FHIT: variants seen among roughly 807,000 people sequenced by gnomAD.
The protein encoded by FHIT is bis(5'-adenosyl)-triphosphatase.
A neutral mutation model predicts 17.9 loss-of-function variants in FHIT; 19 were observed. That is an observed-to-expected ratio of 1.06 (90% CI 0.74 to 1.56). FHIT has a LOEUF of 1.56. FHIT is among the 40% of genes most tolerant of loss of function. The pLI, the probability that FHIT is intolerant of heterozygous loss-of-function variation, is 0.00. For synonymous variants in FHIT, 81 were observed against 69.7 expected (o/e 1.16, Z -0.81); for missense variants, 248 against 189.2 (o/e 1.31, Z -1.82).
intron 5 of FHIT, among the ~76,000 whole-genome samples, chr3:60,381,869 C>A (rs561410081): frequency 6.6e-6 from 1 of 152,126 alleles, no homozygotes; most frequent in African/African-American, 2.4e-5. Context: ...GTAAACAATC[C>A]CAAATCCAAA....
intron 5 of FHIT, among the ~76,000 whole-genome samples, chr3:60,432,765 C>G (rs977555704): frequency 1.3e-5 from 2 of 152,102 alleles, no homozygotes; most frequent in Non-Finnish European, 2.9e-5. Flanking sequence ...TGTTGCCAAC[C>G]TACCAATGTG....
chr3:60,771,493 T>A (rs1488299045), intron 4 of FHIT, among the ~76,000 whole-genome samples: 1 of 152,200 alleles, frequency 6.6e-6, no homozygotes, highest in Non-Finnish European at 1.5e-5. Flanking sequence ...TCAGTGACTG[T>A]GTAACTCAGA....
At chr3:60,305,515 T>C (rs1267910383) in intron 5 of FHIT, among the ~76,000 whole-genome samples, 2 of 152,162 alleles carry the variant, frequency 1.3e-5, no homozygotes, top group African/African-American at 4.8e-5. Context: ...CGGCTGTTGA[T>C]TCAACCCAAA....
chr3:61,156,429 T>G (rs192364616), intron 2 of FHIT, among the ~76,000 whole-genome samples: 32 of 152,230 alleles, frequency 2.1e-4, no homozygotes, highest in African/African-American at 6.5e-4. Flanking sequence ...GAACTTCCTC[T>G]TCATAACATT....
At chr3:60,387,503 G>A (rs988869835) in intron 5 of FHIT, among the ~76,000 whole-genome samples, 4 of 152,108 alleles carry the variant, frequency 2.6e-5, no homozygotes, top group East Asian at 1.9e-4. Flanking sequence ...GGGATTACTC[G>A]AATTCTAAGA....
intron 5 of FHIT, among the ~76,000 whole-genome samples, chr3:60,170,463 G>T (rs1701368458): frequency 6.6e-6 from 1 of 152,138 alleles, no homozygotes; most frequent in Non-Finnish European, 1.5e-5. Flanking sequence ...CATCCCACGT[G>T]AGTATAAATG....
intron 3 of FHIT, among the ~76,000 whole-genome samples, chr3:61,005,182 T>A (rs1217604172): frequency 6.6e-6 from 1 of 152,236 alleles, no homozygotes; most frequent in Non-Finnish European, 1.5e-5. Context: ...CCTATAATTA[T>A]TGCTTATAAT....
intron 5 of FHIT, among the ~76,000 whole-genome samples, chr3:60,261,142 A>G (rs559816840): frequency 2.0e-5 from 3 of 152,040 alleles, no homozygotes; most frequent in Non-Finnish European, 4.4e-5. Context: ...TTGGAATACA[A>G]AAGTATTTTG....
intron 4 of FHIT, among the ~76,000 whole-genome samples, chr3:60,615,204 A>T (rs2038916036): frequency 6.6e-6 from 1 of 152,204 alleles, no homozygotes; most frequent in South Asian, 2.1e-4. Flanking sequence ...CTATCTGGGG[A>T]TAATCTAGCT....
At chr3:61,039,642 G>A (rs566931090) in intron 3 of FHIT, among the ~76,000 whole-genome samples, 1 of 152,206 alleles carries the variant, frequency 6.6e-6, no homozygotes, top group South Asian at 2.1e-4. Flanking sequence ...TCATAAGTGG[G>A]AGTTGAACAA....
At chr3:60,114,489 C>CTTTT (rs1576129465) in intron 5 of FHIT, among the ~76,000 whole-genome samples, 29 of 61,592 alleles carry the variant, frequency 4.7e-4, no homozygotes, top group South Asian at 1.6e-3. Flanking sequence ...AAGAGAAATC[C>CTTTT]TTTTTTTTTT....
chr3:60,074,621 C>T (rs987443890), intron 5 of FHIT, among the ~76,000 whole-genome samples: 4 of 151,488 alleles, frequency 2.6e-5, no homozygotes, highest in South Asian at 4.2e-4. Flanking sequence ...ACTGAGGTCA[C>T]GTTGTTACTG....
intron 2 of FHIT, among the ~76,000 whole-genome samples, chr3:61,109,995 A>C (rs1421461497): frequency 6.6e-6 from 1 of 152,140 alleles, no homozygotes; most frequent in Non-Finnish European, 1.5e-5. Context: ...AGTCTTGGCA[A>C]GAAGGGCTAC....
intron 5 of FHIT, among the ~76,000 whole-genome samples, chr3:60,188,455 A>G (rs1423852033): frequency 6.6e-6 from 1 of 152,072 alleles, no homozygotes; most frequent in Non-Finnish European, 1.5e-5. Context: ...AAGAGTTTAA[A>G]TTGGATTCAA....
intron 4 of FHIT, among the ~76,000 whole-genome samples, chr3:60,552,032 TTC>T (rs1313774288): frequency 1.3e-5 from 2 of 152,114 alleles, no homozygotes; most frequent in African/African-American, 2.4e-5. Context: ...CTATTCTACT[TTC>T]TGTCTCTGTG....
chr3:61,037,296 G>C (rs1474067155), intron 3 of FHIT, among the ~76,000 whole-genome samples: 1 of 152,088 alleles, frequency 6.6e-6, no homozygotes, highest in African/African-American at 2.4e-5. Flanking sequence ...GTGTCAGAGT[G>C]CTTGGATTCT....
intron 7 of FHIT, among the ~76,000 whole-genome samples, chr3:59,968,605 A>G (rs554495455): frequency 6.6e-6 from 1 of 152,232 alleles, no homozygotes; most frequent in South Asian, 2.1e-4. Flanking sequence ...CTGTGGTTTT[A>G]TATCAAGTTC....
At chr3:60,532,632 T>C (rs540655999) in intron 5 of FHIT, among the ~76,000 whole-genome samples, 1 of 152,260 alleles carries the variant, frequency 6.6e-6, no homozygotes, top group Admixed American at 6.5e-5. Context: ...CTTCTAAGCG[T>C]TGCACCACAG....
At chr3:59,796,694 G>T (rs1489873076) in intron 8 of FHIT, among the ~76,000 whole-genome samples, 2 of 152,162 alleles carry the variant, frequency 1.3e-5, no homozygotes, top group East Asian at 3.8e-4. Context: ...TTCTATGTCA[G>T]TTCACACTGG....
Sources: allele counts gnomAD v4.1 joint callset (sites outside exome capture counted in the v4.1 genomes callset), GRCh38; gene constraint gnomAD v4.1.1; transcripts MANE v1.5; gene names NCBI Gene and HGNC (gene_info 2026-07-23, HGNC 2026-07-21).